ACSF3: variants seen among roughly 807,000 people sequenced by gnomAD.
The protein encoded by ACSF3 is acyl-CoA synthetase family member 3.
Under a neutral mutation model 53.2 loss-of-function variants are expected in ACSF3, and 78 were observed. That is an observed-to-expected ratio of 1.47 (90% CI 1.22 to 1.77). The LOEUF is 1.77. ACSF3 is among the 40% of genes most tolerant of loss of function. ACSF3 has a pLI of 0.00. For missense variants in ACSF3, 937 were observed against 771.1 expected, an observed-to-expected ratio of 1.22 and a Z score of -2.55; for synonymous variants, 414 against 333.1, an observed-to-expected ratio of 1.24 and a Z score of -2.65.
chr16:89,145,660 C>T (rs1340313134), intron 9 of ACSF3, among the ~76,000 whole-genome samples: 2 of 152,220 alleles, frequency 1.3e-5, no homozygotes, highest in Admixed American at 1.3e-4. Context: ...GCATGATTCC[C>T]CTGCAGGAAG....
At chr16:89,108,306 C>T (rs1976259882) in intron 4 of ACSF3, among the ~76,000 whole-genome samples, 1 of 152,204 alleles carries the variant, frequency 6.6e-6, no homozygotes, top group Non-Finnish European at 1.5e-5. Context: ...TACAGAGGTT[C>T]TCCGCGAAGC....
At chr16:89,116,603 G>A (rs953079484) in intron 6 of ACSF3, among the ~76,000 whole-genome samples, 5 of 152,230 alleles carry the variant, frequency 3.3e-5, no homozygotes, top group Non-Finnish European at 5.9e-5. Flanking sequence ...CTCAGCTGCC[G>A]TGCAGAGCTG....
intron 8 of ACSF3, 79 bp from the exon 9 acceptor site, chr16:89,145,188 A>G: frequency 6.2e-7 from 1 of 1,613,348 alleles, no homozygotes; most frequent in Non-Finnish European, 8.5e-7. Context: ...AAGGACGGCC[A>G]GTTAACCAGA....
At chr16:89,109,229 CAA>C (rs773650798) in intron 4 of ACSF3, among the ~76,000 whole-genome samples, 33 of 68,550 alleles carry the variant, frequency 4.8e-4, no homozygotes, top group South Asian at 3.1e-3. Context: ...AAGACTGTCT[CAA>C]AAAAAAAAAA....
At chr16:89,140,373 C>T (rs1368455952) in intron 8 of ACSF3, among the ~76,000 whole-genome samples, 2 of 152,144 alleles carry the variant, frequency 1.3e-5, no homozygotes, top group Admixed American at 1.3e-4. Flanking sequence ...TCTGTACACA[C>T]ACACGGGCAC....
chr16:89,151,366 CAG>C (rs964775797), intron 10 of ACSF3: 1 of 381,150 alleles, frequency 2.6e-6, no homozygotes, highest in Admixed American at 3.1e-5. Context: ...TCTGATGAAA[CAG>C]AGTGGGGAGG....
At position 89,120,794 on chromosome 16, in the gene ACSF3, C is replaced by T. The variant is rs761564953; in HGVS notation, c.1127-7C>T. 1.2e-6 allele frequency: 2 copies of T among 1,613,594 alleles called. No homozygotes were observed. The highest frequency in any genetic ancestry group is 1.7e-6 in the Non-Finnish European group (2 of 1,179,558). ...GCCTCCCCTTCAGTGTTTCTCCTCT[C>T]CTGTAGGTTCCGTGGGGACCCCACT... On this transcript the variant is annotated splice_polypyrimidine_tract_variant and splice_region_variant and intron_variant, in intron 6 of 10. Coordinates refer to ENST00000614302, the MANE Select transcript of ACSF3 (RefSeq NM_001243279.3).
chr16:89,142,855 T>C (rs559819447), intron 8 of ACSF3, among the ~76,000 whole-genome samples: 2 of 152,000 alleles, frequency 1.3e-5, no homozygotes, highest in Non-Finnish European at 2.9e-5. Flanking sequence ...GGCGGAGAGG[T>C]TGGGTCTTGC....
At chr16:89,146,154 G>A (rs1353303257) in intron 10 of ACSF3, 105 bp downstream of exon 10, 1 of 836,462 alleles carries the variant, frequency 1.2e-6, no homozygotes, top group Non-Finnish European at 1.9e-6. Context: ...GTGGAGATGA[G>A]GGATCAAGAA....
intron 6 of ACSF3, among the ~76,000 whole-genome samples, chr16:89,116,472 A>G (rs1393395466): frequency 6.6e-6 from 1 of 152,110 alleles, no homozygotes; most frequent in Non-Finnish European, 1.5e-5. Context: ...GAGAGACTGT[A>G]GGCTCACGCC....
intron 4 of ACSF3, among the ~76,000 whole-genome samples, chr16:89,109,162 G>C (rs1407903236): frequency 6.7e-6 from 1 of 149,790 alleles, no homozygotes; most frequent in Non-Finnish European, 1.5e-5. Flanking sequence ...AACCCAGGGG[G>C]CGGCGATTGC....
intron 7 of ACSF3, among the ~76,000 whole-genome samples, chr16:89,130,585 A>G (rs940277191): frequency 4.6e-5 from 7 of 152,108 alleles, no homozygotes; most frequent in Non-Finnish European, 1.0e-4. Context: ...AAAAAATACT[A>G]CTAATAATAT....
intron 3 of ACSF3, among the ~76,000 whole-genome samples, chr16:89,102,081 G>A (rs1409761550): frequency 1.3e-5 from 2 of 152,258 alleles, no homozygotes; most frequent in South Asian, 4.1e-4. Context: ...CGTGAGATTG[G>A]ACAGAGGATT....
chr16:89,114,737 T>G, intron 6 of ACSF3: 1 of 575,284 alleles, frequency 1.7e-6, no homozygotes, highest in Non-Finnish European at 3.2e-6. Flanking sequence ...GCTGTATGAC[T>G]GGGGAGACAA....
chr16:89,109,596 G>T lies in ACSF3; in HGVS notation c.823-2496G>T, dbSNP rs192798197. On this transcript the variant is annotated intron_variant, in intron 4 of 10. Transcript: ENST00000614302. The stretch of plus-strand genomic sequence containing the variant: ...CCAGCTAATTTTTTGTATTTTTATA[G>T]AGACCAGGTTTCACCGTGTTGGCCA... Among the ~76,000 whole-genome samples, 79 of 151,902 alleles carry T rather than the reference G, an allele frequency of 5.2e-4. 1 individual carries two copies. In the Middle Eastern group the frequency reaches 0.02, roughly 39 times the overall value.
At chr16:89,144,843 G>C (rs1597244715) in intron 8 of ACSF3, among the ~76,000 whole-genome samples, 1 of 152,346 alleles carries the variant, frequency 6.6e-6, no homozygotes, top group Non-Finnish European at 1.5e-5. Context: ...CCCATGGCCA[G>C]TGGTTATCAA....
At position 89,101,050 on chromosome 16, in the gene ACSF3, C is replaced by G. The variant is rs6500529; in HGVS notation, c.369C>G (p.Val123=). The change falls in exon 3 of 11, where the codon GTC becomes GTG. Residue 123 remains valine, a synonymous_variant. Coordinates refer to ENST00000614302, the MANE Select transcript of ACSF3 (RefSeq NM_001243279.3). ...CATGGATGAGTGGCGGTGTGGCAGT[C>G]CCCCTCTACAGGAAGCATCCCGCGG... The part of the protein sequence containing the change: ...WASWMSGGVA[V]PLYRKHPAAQ... 4.3e-6 allele frequency: 7 copies of G among 1,613,640 alleles called. 1 individual carries two copies. In the Middle Eastern group the frequency reaches 8.2e-4, roughly 190 times the overall value.
chr16:89,136,612 G>C lies in ACSF3; in HGVS notation c.1366+3350G>C, dbSNP rs1296995816. 5 of 1,287,032 alleles carry C rather than the reference G, an allele frequency of 3.9e-6. No individual in the cohort carries two copies. In the East Asian group the frequency reaches 2.8e-4, roughly 71 times the overall value. The allele number at this position is 1,287,032 out of a possible 1,614,324, so 79.7% of individuals were successfully genotyped here. ...GCACAGGGGACAGCCAGGGATGGCTGGACACAGCTGAGGATGGCCGAGGCC... is the reference window on the plus strand; with the variant it reads ...GCACAGGGGACAGCCAGGGATGGCTCGACACAGCTGAGGATGGCCGAGGCC... On this transcript the variant is annotated intron_variant, in intron 8 of 10. Transcript: ENST00000614302.
intron 6 of ACSF3, chr16:89,114,729 T>C (rs1904776728): frequency 1.6e-6 from 1 of 617,188 alleles, no homozygotes; most frequent in Non-Finnish European, 2.9e-6. Context: ...GGCCCCTGGC[T>C]GTATGACTGG....
Sources: gnomAD v4.1 joint callset for allele counts (sites outside exome capture counted in the v4.1 genomes callset) on GRCh38, gnomAD v4.1.1 for gene constraint, MANE v1.5 for transcripts, NCBI Gene and HGNC (gene_info 2026-07-23, HGNC 2026-07-21) for gene names.